EPPK1: variants seen among roughly 807,000 people sequenced by gnomAD.
EPPK1 encodes epiplakin.
For missense variants in EPPK1, 3,823 were observed against 3,673.3 expected (o/e 1.04, Z -1.05); for synonymous variants, 1,862 against 1,721.2 (o/e 1.08, Z -2.03).
chr8:143,877,336 C>A (rs782802298), intron 1 of EPPK1, among the ~76,000 whole-genome samples: 2 of 152,094 alleles, frequency 1.3e-5, no homozygotes, highest in African/African-American at 2.4e-5. Flanking sequence ...CGAGGGGGGG[C>A]AGGGGGTGCA....
chr8:143,869,753 C>G lies in EPPK1; in HGVS notation c.3501G>C (p.Glu1167Asp). 6.2e-7 allele frequency: 1 copy of G among 1,601,922 alleles called. No individual in the cohort carries two copies. Among genetic ancestry groups the G allele is most frequent in the Non-Finnish European group, 8.5e-7 (1 of 1,175,242 alleles). Residue 1167 changes from glutamate to aspartate, a missense_variant, in exon 2 of 2, where the codon GAG becomes GAC. Physicochemically the swap from Glu to Asp is conservative, Grantham distance 45. Coordinates refer to ENST00000615648, the MANE Select transcript of EPPK1 (RefSeq NM_031308.4). ...QRRGLLEDVQ[E>D]GRTTVPQLLA... ...GCAGCTGTGGCACAGTGGTCCTCCC[C>G]TCCTGCACGTCCTCCAGCAGGCCCC...
At position 143,867,443 on chromosome 8, in the gene EPPK1, G is replaced by A. The variant is rs369357888; in HGVS notation, c.5811C>T (p.Thr1937=). 2.3e-4 allele frequency: 377 copies of A among 1,612,644 alleles called. No homozygotes were observed. The highest frequency in any genetic ancestry group is 2.1e-3 in the Admixed American group (124 of 60,022). Residue 1937 remains threonine, a synonymous_variant, in exon 2 of 2, where the codon ACC becomes ACT. Coordinates refer to ENST00000615648, the MANE Select transcript of EPPK1 (RefSeq NM_031308.4). ...ATWLLEAQAA[T]GFLLDPCTRQ... ...GGGTGCAGGGGTCCAGGAGGAACCC[G>A]GTGGCGGCCTGCGCCTCCAGCAGCC...
Position 143,870,006 on chromosome 8 carries a change from G to A in EPPK1, c.3248C>T (p.Thr1083Ile), listed in dbSNP as rs376145038. The A allele has an allele frequency of 1.2e-6, 2 of 1,610,136 alleles. No homozygotes were observed. Among genetic ancestry groups the A allele is most frequent in the Non-Finnish European group, 1.7e-6 (2 of 1,178,574 alleles). ...METALSSSSETFPTPDGQGRT... is the reference protein window; with the variant it reads ...METALSSSSEIFPTPDGQGRT... ...CCCCTGGCCGTCCGGTGTGGGGAAGGTTTCGGAGGAGCTGGACAAGGCTGT... is the reference window on the plus strand; with the variant it reads ...CCCCTGGCCGTCCGGTGTGGGGAAGATTTCGGAGGAGCTGGACAAGGCTGT... Residue 1083 changes from threonine to isoleucine, a missense_variant, in exon 2 of 2, where the codon ACC becomes ATC. Transcript: ENST00000615648. This position sits in a 1 kb window ranked among gnomAD's most constrained non-coding sequence, Gnocchi z 5.2.
chr8:143,871,220 GA>G lies in EPPK1; in HGVS notation c.2033del (p.Phe678SerfsTer76). On this transcript the variant is annotated frameshift_variant, in exon 2 of 2. Transcript: ENST00000615648. LOFTEE classifies it low-confidence loss of function (END_TRUNC). ...CGCGCTCAGCCGACAGCAGCTTCGC[GA>G]ACACATCAGGCCCAATGACAGCAGC... Reference protein sequence around the residue: ...LRAAVIGPDVFAKLLSAERAV... With the variant: ...LRAAVIGPDVXAKLLSAERAV... The G allele has an allele frequency of 4.3e-6, 7 of 1,613,202 alleles. No individual in the cohort carries two copies. The highest frequency in any genetic ancestry group is 5.9e-6 in the Non-Finnish European group (7 of 1,180,014).
At chr8:143,874,016 C>T (rs1554662042) in intron 1 of EPPK1, among the ~76,000 whole-genome samples, 1 of 152,252 alleles carries the variant, frequency 6.6e-6, no homozygotes, top group African/African-American at 2.4e-5. Context: ...GCACCACGGC[C>T]TCTGGGCTAT....
rs1297024141 is a variant in EPPK1 at position 143,866,220 on chromosome 8, G to A, written c.7034C>T (p.Thr2345Met). Reference sequence around the variant, plus strand: ...GTGCACGGGGTCGATGACGCCGCCCGTGGCGATCTGGGCCTCCAGCAGGCG... The same window carrying A: ...GTGCACGGGGTCGATGACGCCGCCCATGGCGATCTGGGCCTCCAGCAGGCG... The part of the protein sequence containing the change: ...GIRLLEAQIA[T>M]GGVIDPVHSH... Residue 2345 changes from threonine to methionine, a missense_variant, in exon 2 of 2, where the codon ACG becomes ATG. Physicochemically the swap from Thr to Met is moderately conservative, Grantham distance 81. Transcript: ENST00000615648. 8 of 454,132 alleles carry A rather than the reference G, an allele frequency of 1.8e-5. No individual in the cohort carries two copies. Among genetic ancestry groups the A allele is most frequent in the African/African-American group, 1.4e-4 (2 of 14,626 alleles). 28.1% of individuals were successfully genotyped at this position (454,132 alleles called of 1,614,324 possible). A position where few individuals can be genotyped will look rare whatever the true frequency, so the allele number is the denominator to read the frequency against.
chr8:143,871,927 G>A lies in EPPK1; in HGVS notation c.1327C>T (p.His443Tyr), dbSNP rs1380799790. 6.2e-7 allele frequency: 1 copy of A among 1,604,148 alleles called. No individual in the cohort carries two copies. Among genetic ancestry groups the A allele is most frequent in the Non-Finnish European group, 8.5e-7 (1 of 1,179,282 alleles). The change falls in exon 2 of 2, where the codon CAC becomes TAC. Residue 443 changes from histidine (H) to tyrosine (Y), a missense_variant. Coordinates refer to ENST00000615648, the MANE Select transcript of EPPK1 (RefSeq NM_031308.4). ...AGCTGTTCATAGCGCAGGCCGCCGT[G>A]CGTGCCGTCTGAGAAGCTGCCAGCC... is the stretch of plus-strand genomic sequence containing the variant. ...SQAGSFSDGT[H>Y]GGLRYEQLLA...
At position 143,857,755 on chromosome 8, in the gene EPPK1, T is replaced by A. The variant is rs575663241; in HGVS notation, c.*232A>T. 2.0e-5 allele frequency: 9 copies of A among 452,766 alleles called. No individual in the cohort carries two copies. The South Asian group carries it at 3.5e-4, about 18-fold the overall frequency. 28.0% of individuals were successfully genotyped at this position (452,766 alleles called of 1,614,324 possible). A position where few individuals can be genotyped will look rare whatever the true frequency, so the allele number is the denominator to read the frequency against. On this transcript the variant is annotated 3_prime_UTR_variant, in exon 2 of 2. Transcript: ENST00000615648. ...GAAAAAGGAGAGAAAAGTAAAACCATATGACACATAGACGACCCAGAAAAC... is the reference window on the plus strand; with the variant it reads ...GAAAAAGGAGAGAAAAGTAAAACCAAATGACACATAGACGACCCAGAAAAC...
rs782209179 is a variant in EPPK1 at position 143,868,391 on chromosome 8, C to G, written c.4863G>C (p.Arg1621=). Residue 1621 remains arginine (R), a synonymous_variant, in exon 2 of 2, where the codon CGG becomes CGC. Coordinates refer to ENST00000615648, the MANE Select transcript of EPPK1 (RefSeq NM_031308.4). The stretch of plus-strand genomic sequence containing the variant: ...TGAACGCCTCCTCCACGGTCAGCTT[C>G]CGGTTCTCCACGGGGTCGATGATGA... ...TGFIIDPVEN[R]KLTVEEAFKA... is the part of the protein sequence containing the mutation. 4.3e-6 allele frequency: 7 copies of G among 1,612,604 alleles called. No individual in the cohort carries two copies. The Admixed American group carries it at 1.2e-4, about 27-fold the overall frequency.
rs1819112868 is a variant in EPPK1 at position 143,866,567 on chromosome 8, G to C, written c.6687C>G (p.Val2229=). Reference sequence around the variant, plus strand: ...CGGGCTGGTCCTTGGCGGGCACCAGGACGCCCGCGATGCAGCTGGTGCCCT... The same window carrying C: ...CGGGCTGGTCCTTGGCGGGCACCAGCACGCCCGCGATGCAGCTGGTGCCCT... ...YLEGTSCIAG[V]LVPAKDQPGR... Residue 2229 remains valine (V), a synonymous_variant, in exon 2 of 2, where the codon GTC becomes GTG. Transcript: ENST00000615648. 1 of 1,609,364 alleles carries C rather than the reference G, an allele frequency of 6.2e-7. No homozygotes were observed.
rs1554659569 is a variant in EPPK1, at chr8:143,867,684, G to A, written c.5570C>T (p.Ala1857Val). The A allele has an allele frequency of 1.9e-6, 3 of 1,613,540 alleles. No individual in the cohort carries two copies. Among genetic ancestry groups the A allele is most frequent in the Non-Finnish European group, 2.5e-6 (3 of 1,179,868 alleles). The change falls in exon 2 of 2, where the codon GCA (alanine) becomes GTA (valine). Residue 1857 changes from alanine to valine, a missense_variant. Coordinates refer to ENST00000615648, the MANE Select transcript of EPPK1 (RefSeq NM_031308.4). ...VAAIRGEVTA[A>V]DLFNSRVIDQ... ...GATGACCCTGGAGTTGAACAGGTCT[G>A]CAGCTGTCACCTCCCCTCTGATGGC...
rs190772595 is a variant in EPPK1, at chr8:143,871,213, G to C, written c.2041C>G (p.Leu681Val). 14 of 1,613,148 alleles carry C rather than the reference G, an allele frequency of 8.7e-6. No individual in the cohort carries two copies. The African/African-American group carries it at 1.9e-4, about 22-fold the overall frequency. ...GTGACAGCGCGCTCAGCCGACAGCAGCTTCGCGAACACATCAGGCCCAATG... is the reference window on the plus strand; with the variant it reads ...GTGACAGCGCGCTCAGCCGACAGCACCTTCGCGAACACATCAGGCCCAATG... Reference protein sequence around the residue: ...AVIGPDVFAKLLSAERAVTGY... With the variant: ...AVIGPDVFAKVLSAERAVTGY... Residue 681 changes from leucine (L) to valine (V), a missense_variant, in exon 2 of 2, where the codon CTG becomes GTG. Physicochemically the swap from Leu to Val is conservative, Grantham distance 32. Transcript: ENST00000615648.
chr8:143,876,068 G>A (rs1328961000), intron 1 of EPPK1, among the ~76,000 whole-genome samples: 2 of 152,206 alleles, frequency 1.3e-5, no homozygotes, highest in Admixed American at 6.5e-5. Flanking sequence ...GACACAGCTA[G>A]TGTCACCAAG....
At position 143,866,594 on chromosome 8, in the gene EPPK1, C is replaced by G; in HGVS notation, c.6660G>C (p.Leu2220=). 1 of 1,612,592 alleles carries G rather than the reference C, an allele frequency of 6.2e-7. No individual in the cohort carries two copies. The highest frequency in any genetic ancestry group is 1.1e-5 in the South Asian group (1 of 91,078). The change falls in exon 2 of 2, where the codon CTG becomes CTC. Residue 2220 remains leucine, a synonymous_variant. Transcript: ENST00000615648. ...CGCCCGCGATGCAGCTGGTGCCCTC[C>G]AGGTAGCGCTTGACGCGGTCGTCCT... is the stretch of plus-strand genomic sequence containing the variant. The part of the protein sequence containing the change: ...LMEDDRVKRY[L]EGTSCIAGVL...
In EPPK1 at chr8:143,872,401, C is replaced by G; in HGVS notation, c.853G>C (p.Gly285Arg). 6.2e-7 allele frequency: 1 copy of G among 1,602,684 alleles called. No individual in the cohort carries two copies. Among genetic ancestry groups the G allele is most frequent in the Non-Finnish European group, 8.5e-7 (1 of 1,179,402 alleles). ...AEVRRYLEGT[G>R]SVAGVVLLPE... ...AGCAGGACAACCCCGGCCACGCTGC[C>G]GGTACCCTCCAGGTAGCGCCGCACC... The change falls in exon 2 of 2, where the codon GGC (glycine) becomes CGC (arginine). Residue 285 changes from glycine (G) to arginine (R), a missense_variant. Coordinates refer to ENST00000615648, the MANE Select transcript of EPPK1 (RefSeq NM_031308.4).
rs781840567 is a variant in EPPK1, at chr8:143,871,555, C to T, written c.1699G>A (p.Val567Met). The T allele has an allele frequency of 1.2e-5, 19 of 1,609,792 alleles. No individual in the cohort carries two copies. The Admixed American group carries it at 2.2e-4, about 18-fold the overall frequency. Residue 567 changes from valine (V) to methionine (M), a missense_variant, in exon 2 of 2, where the codon GTG becomes ATG. Transcript: ENST00000615648. ...GCTTTCAGCAGCTCTCCTGGTGTCA[C>T]GGTGTCCCTCAGCCCAGAAAAGGTG... Reference protein sequence around the residue: ...RVTFSGLRDTVTPGELLKAEI... With the variant: ...RVTFSGLRDTMTPGELLKAEI...
Position 143,857,418 on chromosome 8 carries a change from G to C in EPPK1, c.*569C>G, listed in dbSNP as rs1418579004. ...GACTCGCTCAGTCAACGCTAGTGAG[G>C]TCACACCTCTAAGGTGGAGCAGCAG... On this transcript the variant is annotated 3_prime_UTR_variant, in exon 2 of 2. Transcript: ENST00000615648. The C allele has an allele frequency of 6.6e-6, 1 of 152,612 alleles. No homozygotes were observed. Among genetic ancestry groups the C allele is most frequent in the African/African-American group, 2.4e-5 (1 of 41,446 alleles). 9.5% of individuals were successfully genotyped at this position (152,612 alleles called of 1,614,324 possible).
In EPPK1 at chr8:143,870,919, G is replaced by C. The variant is rs199498210; in HGVS notation, c.2335C>G (p.Leu779Val). The C allele has an allele frequency of 1.2e-6, 2 of 1,613,434 alleles. No individual in the cohort carries two copies. Among genetic ancestry groups the C allele is most frequent in the East Asian group, 4.5e-5 (2 of 44,890 alleles). The change falls in exon 2 of 2, where the codon CTG (leucine) becomes GTG (valine). Residue 779 changes from leucine (L) to valine (V), a missense_variant. By Grantham distance (32) the Leu-to-Val change is conservative. Transcript: ENST00000615648. The surrounding 1 kb of genome is among the most constrained non-coding windows in gnomAD (Gnocchi z 5.2). The stretch of plus-strand genomic sequence containing the variant: ...CGCACACAGCGCTCCAGAAGCTGCA[G>C]GTACGTGAGGTTCTCGTGCGTGTTG... Reference protein sequence around the residue: ...DPNTHENLTYLQLLERCVRDP... With the variant: ...DPNTHENLTYVQLLERCVRDP...
At position 143,866,831 on chromosome 8, in the gene EPPK1, C is replaced by A. The variant is rs781808161; in HGVS notation, c.6423G>T (p.Arg2141Ser). 3 of 1,613,290 alleles carry A rather than the reference C, an allele frequency of 1.9e-6. No individual in the cohort carries two copies. Among genetic ancestry groups the A allele is most frequent in the African/African-American group, 1.3e-5 (1 of 74,924 alleles). The change falls in exon 2 of 2, where the codon AGG becomes AGT. Residue 2141 changes from arginine to serine, a missense_variant. By Grantham distance (110) the Arg-to-Ser change is moderately radical. Transcript: ENST00000615648. ...VTEEKKLQLV[R>S]MYRTHTRRAL... The stretch of plus-strand genomic sequence containing the variant: ...CCCGTCTGGTGTGTGTTCTATACAT[C>A]CTCACCAGCTGGAGCTTCTTCTCCT...
Sources: gnomAD v4.1 joint callset for allele counts (sites outside exome capture counted in the v4.1 genomes callset) on GRCh38, gnomAD v4.1.1 for gene constraint, Gnocchi (gnomAD v3.1) non-coding constraint, MANE v1.5 for transcripts, NCBI Gene and HGNC (gene_info 2026-07-23, HGNC 2026-07-21) for gene names.